The following SGCZ variants were observed in gnomAD, a reference collection of about 807,000 sequenced individuals.
SGCZ encodes sarcoglycan zeta, also known as zeta-sarcoglycan.
In SGCZ, 40 loss-of-function variants were observed where a neutral mutation model predicts 41.3. The observed-to-expected ratio is 0.97, with a 90% confidence interval of 0.75 to 1.26. The LOEUF is 1.26. Among genes scored for constraint, SGCZ ranks in the 50% most tolerant of loss-of-function variants. The pLI is 0.00. For synonymous variants in SGCZ, 206 were observed against 137.5 expected (o/e 1.50, Z -3.49); for missense variants, 552 against 369.8 (o/e 1.49, Z -4.04).
At chr8:14,621,862 C>T (rs1190195344) in intron 1 of SGCZ, among the ~76,000 whole-genome samples, 6 of 152,050 alleles carry the variant, frequency 3.9e-5, no homozygotes, top group Non-Finnish European at 5.9e-5. Context: ...AGACTTCTGT[C>T]TATAGACTAA....
intron 1 of SGCZ, among the ~76,000 whole-genome samples, chr8:15,133,051 G>A (rs1190137911): frequency 6.6e-6 from 1 of 152,092 alleles, no homozygotes; most frequent in African/African-American, 2.4e-5. Context: ...GCTGAGGTAG[G>A]AGGATGGCTT....
chr8:14,721,128 T>C (rs974072935), intron 1 of SGCZ, among the ~76,000 whole-genome samples: 1 of 152,174 alleles, frequency 6.6e-6, no homozygotes, highest in Non-Finnish European at 1.5e-5. Flanking sequence ...CTAGTTGCCT[T>C]TGTTTCCCTA....
chr8:14,112,181 T>G (rs1213362185), intron 5 of SGCZ, among the ~76,000 whole-genome samples: 1 of 151,920 alleles, frequency 6.6e-6, no homozygotes, highest in East Asian at 1.9e-4. Flanking sequence ...ATTATATTTT[T>G]AAGTTATTTG....
chr8:14,809,993 T>A (rs1801691286), intron 1 of SGCZ, among the ~76,000 whole-genome samples: 1 of 152,104 alleles, frequency 6.6e-6, no homozygotes, highest in Non-Finnish European at 1.5e-5. Context: ...AGCTGGCATA[T>A]ACATTAAACA....
At chr8:14,736,250 T>C (rs2254776) in intron 1 of SGCZ, among the ~76,000 whole-genome samples, 151,679 of 152,220 alleles carry the variant, frequency 1, 75,574 homozygotes, top group Middle Eastern at 1. Flanking sequence ...TCATAAATCT[T>C]AGAGCCAACA....
intron 3 of SGCZ, among the ~76,000 whole-genome samples, chr8:14,276,244 T>G (rs1365467873): frequency 8.5e-5 from 13 of 152,230 alleles, no homozygotes; most frequent in South Asian, 6.2e-4. Context: ...TACTTTGGAA[T>G]GTGGTGTGTA....
At chr8:14,275,123 A>G (rs1280837683) in intron 3 of SGCZ, among the ~76,000 whole-genome samples, 1 of 152,208 alleles carries the variant, frequency 6.6e-6, no homozygotes, top group Non-Finnish European at 1.5e-5. Flanking sequence ...GTCCATAGTT[A>G]TGCTGGTCAG....
rs546747873 is a variant in SGCZ at position 14,344,804 on chromosome 8, G to A, written c.235-20600C>T. Among the ~76,000 whole-genome samples, 10 of 151,954 alleles carry A rather than the reference G, an allele frequency of 6.6e-5. No homozygotes were observed. In the South Asian group the frequency reaches 1.9e-3, roughly 28 times the overall value. Reference sequence around the variant, plus strand: ...TGAAAATATAAACCACGATGATATAGCAACATAAACCCATCAAAATTACTA... The same window carrying A: ...TGAAAATATAAACCACGATGATATAACAACATAAACCCATCAAAATTACTA... On this transcript the variant is annotated intron_variant, in intron 2 of 7. Transcript: ENST00000382080.
intron 3 of SGCZ, among the ~76,000 whole-genome samples, chr8:14,320,678 G>A (rs1204777688): frequency 6.6e-6 from 1 of 152,004 alleles, no homozygotes; most frequent in Non-Finnish European, 1.5e-5. Context: ...CGGGCATCCT[G>A]AGAACTCAAG....
At chr8:14,436,681 G>A (rs1192811690) in intron 2 of SGCZ, among the ~76,000 whole-genome samples, 1 of 152,158 alleles carries the variant, frequency 6.6e-6, no homozygotes, top group East Asian at 1.9e-4. Context: ...ACTGTCATTC[G>A]CACTGCAGTA....
intron 1 of SGCZ, among the ~76,000 whole-genome samples, chr8:14,739,952 A>C (rs2244118): frequency 6.6e-6 from 1 of 151,770 alleles, no homozygotes; most frequent in African/African-American, 2.4e-5. Context: ...ATAATAAACA[A>C]CATCTGCATA....
At chr8:14,473,399 A>G (rs941509830) in intron 2 of SGCZ, among the ~76,000 whole-genome samples, 1 of 152,206 alleles carries the variant, frequency 6.6e-6, no homozygotes, top group Admixed American at 6.5e-5. Flanking sequence ...TACATATGAA[A>G]TAACTTCATT....
chr8:14,423,069 T>C (rs1799678329), intron 2 of SGCZ, among the ~76,000 whole-genome samples: 1 of 152,050 alleles, frequency 6.6e-6, no homozygotes, highest in African/African-American at 2.4e-5. Context: ...TCACCATTTG[T>C]TTTGAACCCA....
chr8:14,808,107 A>C (rs13438853), intron 1 of SGCZ, among the ~76,000 whole-genome samples: 1,744 of 152,348 alleles, frequency 0.011, 27 homozygotes, highest in African/African-American at 0.031. Flanking sequence ...CTGAAACGTT[A>C]GACCTAAAAC....
At chr8:14,912,798 A>G (rs1299439495) in intron 1 of SGCZ, among the ~76,000 whole-genome samples, 1 of 152,124 alleles carries the variant, frequency 6.6e-6, no homozygotes, top group Admixed American at 6.6e-5. Context: ...ACTTTGAGTT[A>G]AACAGTATCT....
At chr8:15,130,811 C>G (rs894633818) in intron 1 of SGCZ, among the ~76,000 whole-genome samples, 1 of 152,092 alleles carries the variant, frequency 6.6e-6, no homozygotes, top group Admixed American at 6.6e-5. Flanking sequence ...TATTCATCAC[C>G]TGGGTATACA....
intron 2 of SGCZ, among the ~76,000 whole-genome samples, chr8:14,480,188 C>T (rs1331400380): frequency 2.0e-5 from 3 of 152,172 alleles, no homozygotes; most frequent in African/African-American, 7.2e-5. Flanking sequence ...ATATAGGTAA[C>T]TATTTATACA....
intron 3 of SGCZ, among the ~76,000 whole-genome samples, chr8:14,318,260 G>A (rs979951): frequency 0.78 from 117,672 of 151,766 alleles, 45,965 homozygotes; most frequent in South Asian, 0.88. Context: ...GCAAGAAAAG[G>A]AAGAGATAGA....
At chr8:14,637,371 C>G (rs1299069779) in intron 1 of SGCZ, among the ~76,000 whole-genome samples, 1 of 151,180 alleles carries the variant, frequency 6.6e-6, no homozygotes, top group Non-Finnish European at 1.5e-5. Context: ...GTTTGTTACA[C>G]GAGTAAATTG....
Sources: gnomAD v4.1 joint callset for allele counts (sites outside exome capture counted in the v4.1 genomes callset) on GRCh38, gnomAD v4.1.1 for gene constraint, MANE v1.5 for transcripts, NCBI Gene and HGNC (gene_info 2026-07-23, HGNC 2026-07-21) for gene names.